Variants in CYP4B1 observed in about 807,000 individuals in gnomAD.
CYP4B1 encodes the protein cytochrome P450 family 4 subfamily B member 1.
In CYP4B1, 45 loss-of-function variants were observed where a neutral mutation model predicts 54.0. The ratio of observed to expected loss-of-function variants is 0.83; its 90% CI spans 0.66 to 1.07. The LOEUF (loss-of-function observed/expected upper bound fraction) is 1.07. Ranked by LOEUF, CYP4B1 falls within the 50% of genes least tolerant of loss-of-function variation. CYP4B1 has a pLI of 0.00. For synonymous variants in CYP4B1, 248 were observed against 247.5 expected, an observed-to-expected ratio of 1.00 and a Z score of -0.02; for missense variants, 656 against 655.4, an observed-to-expected ratio of 1.00 and a Z score of -0.01.
Position 46,810,824 on chromosome 1 carries a change from G to A in CYP4B1, c.197G>A (p.Ser66Asn), listed in dbSNP as rs371550401. ...TCATTTCAGATCCAGGAGACGGGGAGCCTGGACAAAGTGGTGTCCTGGGCC... is the reference window on the plus strand; with the variant it reads ...TCATTTCAGATCCAGGAGACGGGGAACCTGGACAAAGTGGTGTCCTGGGCC... Reference protein sequence around the residue: ...GHALEIQETGSLDKVVSWAHQ... With the variant: ...GHALEIQETGNLDKVVSWAHQ... The change falls in exon 2 of 12, where the codon AGC becomes AAC. Residue 66 changes from serine (S) to asparagine (N), a missense_variant. Transcript: ENST00000371923. The A allele has an allele frequency of 2.5e-6, 4 of 1,614,176 alleles. No individual in the cohort carries two copies. The highest frequency in any genetic ancestry group is 3.4e-6 in the Non-Finnish European group (4 of 1,180,030).
At chr1:46,815,489 A>G in intron 8 of CYP4B1, 1 of 403,974 alleles carries the variant, frequency 2.5e-6, no homozygotes, top group Middle Eastern at 6.3e-4. Flanking sequence ...AGTGTTATGT[A>G]GAGAAAGTTG....
intron 8 of CYP4B1, 165 bp downstream of exon 8, chr1:46,815,429 G>A: frequency 1.8e-6 from 1 of 554,220 alleles, no homozygotes; most frequent in Non-Finnish European, 3.0e-6. Context: ...GTGGTTGGCT[G>A]GGCACAGATG....
intron 1 of CYP4B1, among the ~76,000 whole-genome samples, chr1:46,800,211 CTTTCTCTT>C (rs1678570946): frequency 3.2e-5 from 1 of 30,884 alleles, no homozygotes; most frequent in African/African-American, 5.4e-5. Context: ...TTCTTTCTTT[CTTTCTCTT>C]TCTCTCTTTC....
At position 46,818,904 on chromosome 1, in the gene CYP4B1, C is replaced by A; in HGVS notation, c.*90C>A. On this transcript the variant is annotated 3_prime_UTR_variant, in exon 12 of 12. Transcript: ENST00000371923. ...GCTGGGTGTGGAGGAGTTGGGGCCC[C>A]CTGCCTTCAGGAGGCTTGTAGTTTA... 3 of 1,294,022 alleles carry A rather than the reference C, an allele frequency of 2.3e-6. No individual in the cohort carries two copies. The highest frequency in any genetic ancestry group is 2.4e-5 in the East Asian group (1 of 42,480). 80.2% of individuals were successfully genotyped at this position (1,294,022 alleles called of 1,614,324 possible). A position where few individuals can be genotyped will look rare whatever the true frequency, so the allele number is the denominator to read the frequency against.
At position 46,812,503 on chromosome 1, in the gene CYP4B1, C is replaced by A. The variant is rs753069733; in HGVS notation, c.375C>A (p.Gly125=). 2.5e-6 allele frequency: 4 copies of A among 1,612,662 alleles called. No homozygotes were observed. Among genetic ancestry groups the A allele is most frequent in the African/African-American group, 2.7e-5 (2 of 74,904 alleles). ...CTCCCATCCCTTCCCCAGGGAGAGG[C>A]CTGCTGGTTCTTGAGGGGCCCAAGT... ...YDFFLQWIGR[G]LLVLEGPKWL... Residue 125 remains glycine (G), a synonymous_variant, in exon 4 of 12, where the codon GGC becomes GGA. Coordinates refer to ENST00000371923, the MANE Select transcript of CYP4B1 (RefSeq NM_001099772.2).
intron 1 of CYP4B1, among the ~76,000 whole-genome samples, chr1:46,799,870 C>G (rs1678542035): frequency 6.6e-6 from 1 of 152,204 alleles, no homozygotes; most frequent in African/African-American, 2.4e-5. Flanking sequence ...CCACCTTAGC[C>G]CCTGCTCTCA....
chr1:46,800,238 TTTCCTTCC>T (rs1216147120), intron 1 of CYP4B1, among the ~76,000 whole-genome samples: 450 of 42,384 alleles, frequency 0.011, 28 homozygotes, highest in African/African-American at 0.027. Context: ...TCTTTCTTTC[TTTCCTTCC>T]TTCCTTCCTT....
In CYP4B1 at chr1:46,800,298, C is replaced by CTTCCTCCCTTCTTTCT. The variant is rs1553130205; in HGVS notation, c.180+1040_180+1041insCTCCCTTCTTTCTTTC. 1.8e-3 allele frequency among the ~76,000 whole-genome samples: 159 copies of CTTCCTCCCTTCTTTCT among 87,960 alleles called. 12 individuals carry two copies. Among genetic ancestry groups the CTTCCTCCCTTCTTTCT allele is most frequent in the East Asian group, 8.1e-3 (20 of 2,484 alleles). The allele number at this position is 87,960 out of a possible 152,430, so 57.7% of individuals were successfully genotyped here. A position where few individuals can be genotyped will look rare whatever the true frequency, so the allele number is the denominator to read the frequency against. On this transcript the variant is annotated intron_variant, in intron 1 of 11. Coordinates refer to ENST00000371923, the MANE Select transcript of CYP4B1 (RefSeq NM_001099772.2). ...CCTTCCTTCCTTCCTTCCTTCCTTC[C>CTTCCTCCCTTCTTTCT]TTCTTTCCTTCCTTCTCTTTCTCTC... is the stretch of plus-strand genomic sequence containing the variant.
intron 3 of CYP4B1, 115 bp downstream of exon 3, chr1:46,811,299 GC>G: frequency 9.0e-7 from 1 of 1,108,422 alleles, no homozygotes. Context: ...GTTCTCGGGT[GC>G]CCATCCTAAG....
intron 3 of CYP4B1, chr1:46,812,066 G>A: frequency 2.3e-6 from 1 of 431,228 alleles, no homozygotes; most frequent in Non-Finnish European, 4.7e-6. Flanking sequence ...CCCACCTGAG[G>A]CCATGAAGCA....
Position 46,818,802 on chromosome 1 carries a change from G to C in CYP4B1, c.1527G>C (p.Gly509=), listed in dbSNP as rs374571859. Residue 509 remains glycine, a synonymous_variant, in exon 12 of 12, where the codon GGG becomes GGC. Transcript: ENST00000371923. The part of the protein sequence containing the change: ...FHLHLKPLGP[G]SGK ...TCCACCTGAAGCCACTGGGCCCTGG[G>C]TCTGGGAAGTAGCTCTGATGAGAAT... is the stretch of plus-strand genomic sequence containing the variant. 25 of 1,614,008 alleles carry C rather than the reference G, an allele frequency of 1.5e-5. No individual in the cohort carries two copies. In the African/African-American group the frequency reaches 2.7e-4, roughly 17 times the overall value.
chr1:46,814,974 T>C (rs1679273126), intron 7 of CYP4B1, 100 bp from the exon 8 acceptor site: 1 of 1,054,116 alleles, frequency 9.5e-7, no homozygotes, highest in Non-Finnish European at 1.4e-6. Flanking sequence ...GAGCTTTCAC[T>C]CCCTCCCAGA....
intron 1 of CYP4B1, among the ~76,000 whole-genome samples, chr1:46,801,538 A>T (rs1197077063): frequency 6.6e-6 from 1 of 150,438 alleles, no homozygotes; most frequent in Non-Finnish European, 1.5e-5. Context: ...TTCTCTTGGC[A>T]TCAGGTTGAG....
intron 11 of CYP4B1, 133 bp downstream of exon 11, chr1:46,818,346 G>C: frequency 1.2e-6 from 1 of 864,642 alleles, no homozygotes; most frequent in Non-Finnish European, 1.8e-6. Context: ...TTCTAATGCA[G>C]GAGGCTTCTT....
intron 1 of CYP4B1, among the ~76,000 whole-genome samples, chr1:46,800,473 G>T (rs951566088): frequency 6.6e-6 from 1 of 151,786 alleles, no homozygotes; most frequent in Non-Finnish European, 1.5e-5. Context: ...TGGGACCACA[G>T]GCACGCGCCA....
intron 1 of CYP4B1, among the ~76,000 whole-genome samples, chr1:46,803,745 T>C (rs561012114): frequency 6.6e-6 from 1 of 152,288 alleles, no homozygotes; most frequent in East Asian, 1.9e-4. Context: ...CTGATTTCAA[T>C]GTAAAAATCA....
At chr1:46,803,630 T>C (rs751028) in intron 1 of CYP4B1, among the ~76,000 whole-genome samples, 142,447 of 152,136 alleles carry the variant, frequency 0.94, 67,259 homozygotes, top group Non-Finnish European at 1. Flanking sequence ...TGGGCAGCAC[T>C]TGTCAGTGTC....
At chr1:46,800,715 G>A (rs995504937) in intron 1 of CYP4B1, among the ~76,000 whole-genome samples, 1 of 152,094 alleles carries the variant, frequency 6.6e-6, no homozygotes, top group East Asian at 1.9e-4. Context: ...GTCTGGATGG[G>A]GGCACTGCTT....
At chr1:46,815,489 A>T (rs1679301950) in intron 8 of CYP4B1, 1 of 403,974 alleles carries the variant, frequency 2.5e-6, no homozygotes, top group African/African-American at 2.1e-5. Context: ...AGTGTTATGT[A>T]GAGAAAGTTG....
Sources: gnomAD v4.1 joint callset for allele counts (sites outside exome capture counted in the v4.1 genomes callset) on GRCh38, gnomAD v4.1.1 for gene constraint, MANE v1.5 for transcripts, NCBI Gene and HGNC (gene_info 2026-07-23, HGNC 2026-07-21) for gene names.